The following ARL1 variants were observed in gnomAD, a reference collection of about 807,000 sequenced individuals.
ARL1 encodes the protein ARF like GTPase 1.
ARL1 carries 17 observed loss-of-function variants against 30.1 expected under a neutral mutation model. That is an observed-to-expected ratio of 0.56 (90% CI 0.39 to 0.85). ARL1 has a LOEUF of 0.85. ARL1 is among the 40% of genes least tolerant of loss of function. The pLI, the probability that ARL1 is intolerant of heterozygous loss-of-function variation, is 0.00. For synonymous variants in ARL1, 58 were observed against 71.7 expected (o/e 0.81, Z 0.97); for missense variants, 102 against 212.6 (o/e 0.48, Z 3.24).
intron 2 of ARL1, among the ~76,000 whole-genome samples, chr12:101,405,017 A>T (rs897204694): frequency 3.3e-5 from 5 of 152,100 alleles, no homozygotes; most frequent in Non-Finnish European, 4.4e-5. Context: ...GATTACAGGC[A>T]TGCACCACCA....
In ARL1 at chr12:101,405,872, T is replaced by A. The variant is rs997604444; in HGVS notation, c.114A>T (p.Gln38His). 1 of 1,565,096 alleles carries A rather than the reference T, an allele frequency of 6.4e-7. No homozygotes were observed. Among genetic ancestry groups the A allele is most frequent in the Non-Finnish European group, 8.7e-7 (1 of 1,153,312 alleles). Residue 38 changes from glutamine to histidine, a missense_variant, in exon 2 of 6, where the codon CAA (glutamine) becomes CAT (histidine). Transcript: ENST00000261636. Reference protein sequence around the residue: ...AGKTTILYRLQVGEVVTTIPT... With the variant: ...AGKTTILYRLHVGEVVTTIPT... ...GTATAGTAGTAACAACTTCTCCCAC[T>A]TGTAATCTGTACAAAATTGTGGTTT...
rs984422849 is a variant in ARL1 at position 101,394,040 on chromosome 12, T to A, written c.*1600A>T. Reference sequence around the variant, plus strand: ...CCCTCAGGAGTAATATTGGTTGTACTGGAACATTTGTAGCTGAAGGAAAAT... The same window carrying A: ...CCCTCAGGAGTAATATTGGTTGTACAGGAACATTTGTAGCTGAAGGAAAAT... On this transcript the variant is annotated 3_prime_UTR_variant, in exon 6 of 6. Transcript: ENST00000261636. The A allele has an allele frequency of 6.6e-6, 1 of 151,426 alleles. No homozygotes were observed. Among genetic ancestry groups the A allele is most frequent in the South Asian group, 2.1e-4 (1 of 4,772 alleles). 9.4% of individuals were successfully genotyped at this position (151,426 alleles called of 1,614,324 possible).
At chr12:101,401,645 A>C (rs1389399251) in intron 3 of ARL1, among the ~76,000 whole-genome samples, 3 of 150,358 alleles carry the variant, frequency 2.0e-5, no homozygotes, top group Non-Finnish European at 4.4e-5. Flanking sequence ...TCAAAAAAAA[A>C]AAAAAAAAAA....
At chr12:101,405,098 C>T (rs538585545) in intron 2 of ARL1, among the ~76,000 whole-genome samples, 4 of 152,138 alleles carry the variant, frequency 2.6e-5, no homozygotes, top group South Asian at 4.1e-4. Context: ...CTCCAACTCC[C>T]GACCTCAGGT....
In ARL1 at chr12:101,393,964, T is replaced by A. The variant is rs188771542; in HGVS notation, c.*1676A>T. On this transcript the variant is annotated 3_prime_UTR_variant, in exon 6 of 6. Transcript: ENST00000261636. ...TATGAACATATTCTGAAATGCCATATGCCAGGCGCCATACCAGATACTAGG... is the reference window on the plus strand; with the variant it reads ...TATGAACATATTCTGAAATGCCATAAGCCAGGCGCCATACCAGATACTAGG... 1 of 151,266 alleles carries A rather than the reference T, an allele frequency of 6.6e-6. No individual in the cohort carries two copies. Among genetic ancestry groups the A allele is most frequent in the East Asian group, 1.9e-4 (1 of 5,168 alleles). The allele number at this position is 151,266 out of a possible 1,614,324, so 9.4% of individuals were successfully genotyped here.
intron 4 of ARL1, among the ~76,000 whole-genome samples, chr12:101,398,196 G>C (rs1871201627): frequency 6.6e-6 from 1 of 151,812 alleles, no homozygotes; most frequent in African/African-American, 2.4e-5. Context: ...AGGAGTTCAA[G>C]ACCAGCCTGA....
chr12:101,395,553 AC>A lies in ARL1; in HGVS notation c.*86del, dbSNP rs1871126926. The A allele has an allele frequency of 1.9e-6, 2 of 1,064,610 alleles. No homozygotes were observed. The highest frequency in any genetic ancestry group is 2.9e-5 in the South Asian group (2 of 68,436). The allele number at this position is 1,064,610 out of a possible 1,614,324, so 65.9% of individuals were successfully genotyped here. ...ATATGCCAATAATCATATAGTTTTA[AC>A]ATCTAGTAGTGTGAAGTACACTTGA... is the stretch of plus-strand genomic sequence containing the variant. On this transcript the variant is annotated 3_prime_UTR_variant, in exon 6 of 6. Coordinates refer to ENST00000261636, the MANE Select transcript of ARL1 (RefSeq NM_001177.6).
intron 2 of ARL1, 55 bp from the exon 3 acceptor site, chr12:101,403,001 A>G: frequency 8.4e-7 from 1 of 1,184,116 alleles, no homozygotes; most frequent in South Asian, 1.4e-5. Context: ...CCACCTTCAA[A>G]ATATCCTATC....
intron 4 of ARL1, among the ~76,000 whole-genome samples, chr12:101,399,294 C>T (rs935386750): frequency 2.0e-5 from 3 of 151,916 alleles, no homozygotes; most frequent in Admixed American, 6.6e-5. Flanking sequence ...GGGCAAACTG[C>T]TGAGGTCAGG....
At chr12:101,405,389 C>T (rs1871411878) in intron 2 of ARL1, among the ~76,000 whole-genome samples, 1 of 152,010 alleles carries the variant, frequency 6.6e-6, no homozygotes, top group Admixed American at 6.6e-5. Context: ...GTTTATTTCC[C>T]CCTGAAAACC....
chr12:101,402,054 C>A (rs1348752723), intron 3 of ARL1, among the ~76,000 whole-genome samples: 1 of 152,134 alleles, frequency 6.6e-6, no homozygotes, highest in African/African-American at 2.4e-5. Context: ...TTGGAGAATG[C>A]ATTACTAATC....
At chr12:101,399,693 G>A (rs1871251903) in intron 4 of ARL1, among the ~76,000 whole-genome samples, 2 of 151,912 alleles carry the variant, frequency 1.3e-5, no homozygotes, top group Admixed American at 6.6e-5. Context: ...TCCAGAGCAA[G>A]GGCAATTTTA....
At chr12:101,396,621 T>C (rs1437617154) in intron 4 of ARL1, 44 bp from the exon 5 acceptor site, 4 of 1,519,318 alleles carry the variant, frequency 2.6e-6, no homozygotes, top group Non-Finnish European at 3.6e-6. Flanking sequence ...ACTAATGTGC[T>C]CTCTCGAGTT....
chr12:101,406,821 C>A (rs1291081603), intron 1 of ARL1, among the ~76,000 whole-genome samples: 2 of 152,034 alleles, frequency 1.3e-5, no homozygotes, highest in Non-Finnish European at 2.9e-5. Context: ...AGAAGAGAGG[C>A]GGAACAAAAC....
chr12:101,399,955 C>G (rs1405638872), intron 4 of ARL1, among the ~76,000 whole-genome samples: 2 of 151,964 alleles, frequency 1.3e-5, no homozygotes, highest in Non-Finnish European at 2.9e-5. Context: ...GAGACAGAGT[C>G]TCACTCTTGT....
intron 4 of ARL1, 123 bp from the exon 5 acceptor site, chr12:101,396,700 T>C (rs750622693): frequency 1.0e-5 from 7 of 686,592 alleles, no homozygotes; most frequent in South Asian, 2.8e-5. Flanking sequence ...TATGAAATTA[T>C]ATAGAAATTA....
intron 3 of ARL1, chr12:101,401,636 C>CAAAAAAAA (rs758711443): frequency 3.1e-5 from 1 of 31,822 alleles, no homozygotes; most frequent in South Asian, 1.6e-3. Context: ...AACTCTGTCT[C>CAAAAAAAA]AAAAAAAAAA....
intron 4 of ARL1, 125 bp from the exon 5 acceptor site, chr12:101,396,702 T>C (rs1871163567): frequency 2.9e-6 from 2 of 688,556 alleles, no homozygotes. Context: ...TGAAATTATA[T>C]AGAAATTATA....
At chr12:101,396,019 G>A (rs1871141200) in intron 5 of ARL1, 1 of 542,960 alleles carries the variant, frequency 1.8e-6, no homozygotes, top group African/African-American at 1.9e-5. Context: ...CAAGTACTAT[G>A]TCACTAATCT....
Sources: allele counts gnomAD v4.1 joint callset (sites outside exome capture counted in the v4.1 genomes callset), GRCh38; gene constraint gnomAD v4.1.1; transcripts MANE v1.5; gene names NCBI Gene and HGNC (gene_info 2026-07-23, HGNC 2026-07-21).